Variants in LAMA2 observed in about 807,000 individuals in gnomAD.
The protein encoded by LAMA2 is laminin subunit alpha-2.
LAMA2 carries 269 observed loss-of-function variants against 364.8 expected under a neutral mutation model. That is an observed-to-expected ratio of 0.74 (90% CI 0.67 to 0.82). LAMA2 has a LOEUF of 0.82. Ranked by LOEUF, LAMA2 falls within the 40% of genes least tolerant of loss-of-function variation. The pLI is 0.00. For missense variants in LAMA2, 3,807 were observed against 3,873.2 expected (o/e 0.98, Z 0.45); for synonymous variants, 1,379 against 1,370.6 (o/e 1.01, Z -0.14).
intron 54 of LAMA2, among the ~76,000 whole-genome samples, chr6:129,480,382 T>C (rs1469402889): frequency 6.6e-6 from 1 of 152,106 alleles, no homozygotes; most frequent in Non-Finnish European, 1.5e-5. Flanking sequence ...TACTAGCAAA[T>C]TCATAAAGTA....
At chr6:129,188,150 TATATC>T (rs1781338905) in intron 10 of LAMA2, among the ~76,000 whole-genome samples, 4 of 151,898 alleles carry the variant, frequency 2.6e-5, no homozygotes, top group Non-Finnish European at 1.5e-5. Context: ...TGATTGTGAG[TATATC>T]TTTTTACCCA....
intron 18 of LAMA2, 91 bp downstream of exon 18, chr6:129,280,238 AG>A: frequency 1.2e-6 from 1 of 838,294 alleles, no homozygotes; most frequent in South Asian, 1.4e-5. Context: ...CATCCTTTGG[AG>A]AAAAAAGGCC....
intron 56 of LAMA2, among the ~76,000 whole-genome samples, chr6:129,488,050 C>G (rs1330679137): frequency 6.6e-6 from 1 of 152,166 alleles, no homozygotes; most frequent in Non-Finnish European, 1.5e-5. Flanking sequence ...TGGCTCACAC[C>G]TGTAATCCCA....
chr6:129,347,463 T>G (rs532696541), intron 30 of LAMA2, among the ~76,000 whole-genome samples: 1 of 152,116 alleles, frequency 6.6e-6, no homozygotes, highest in Admixed American at 6.5e-5. Context: ...ATCAAGGACA[T>G]GCCATAGATC....
chr6:129,370,389 A>T lies in LAMA2; in HGVS notation c.4959+399A>T, dbSNP rs541780780. 2.5e-4 allele frequency among the ~76,000 whole-genome samples: 38 copies of T among 152,362 alleles called. No homozygotes were observed. The South Asian group carries it at 7.3e-3, about 29-fold the overall frequency. On this transcript the variant is annotated intron_variant, in intron 34 of 64. Transcript: ENST00000421865. Reference sequence around the variant, plus strand: ...GATTTTTGCATTAGTATAGAAATACAGTGTAAATCAGTCTTTCCACACAAA... The same window carrying T: ...GATTTTTGCATTAGTATAGAAATACTGTGTAAATCAGTCTTTCCACACAAA...
chr6:129,372,627 G>A lies in LAMA2; in HGVS notation c.4959+2637G>A, dbSNP rs374041247. 5.9e-5 allele frequency among the ~76,000 whole-genome samples: 9 copies of A among 152,202 alleles called. No individual in the cohort carries two copies. The East Asian group carries it at 1.3e-3, about 23-fold the overall frequency. ...TAAACATCTTTGTGCAGACTTTTGTGTGGACTTAAGTTTTCAACCTATTTG... is the reference window on the plus strand; with the variant it reads ...TAAACATCTTTGTGCAGACTTTTGTATGGACTTAAGTTTTCAACCTATTTG... On this transcript the variant is annotated intron_variant, in intron 34 of 64. Coordinates refer to ENST00000421865, the MANE Select transcript of LAMA2 (RefSeq NM_000426.4).
chr6:129,507,626 C>T lies in LAMA2; in HGVS notation c.8841C>T (p.Thr2947=), dbSNP rs571590357. The change falls in exon 62 of 65, where the codon ACC becomes ACT. Residue 2947 remains threonine (T), a synonymous_variant. Coordinates refer to ENST00000421865, the MANE Select transcript of LAMA2 (RefSeq NM_000426.4). ...NAQRGTYFDG[T]GFAKAVGGFK... is the part of the protein sequence containing the mutation. The stretch of plus-strand genomic sequence containing the variant: ...AGAGGGGAACATATTTTGACGGAAC[C>T]GGTTTTGCCAAAGCAGGTAAGGCTC... 5.6e-5 allele frequency: 90 copies of T among 1,614,114 alleles called. No individual in the cohort carries two copies. The highest frequency in any genetic ancestry group is 6.9e-5 in the Non-Finnish European group (82 of 1,179,976).
chr6:129,158,380 C>G (rs945909330), intron 8 of LAMA2: 15 of 1,613,888 alleles, frequency 9.3e-6, no homozygotes, highest in Non-Finnish European at 1.1e-5. Flanking sequence ...CCCATCCGTA[C>G]TTCTCCATAT....
chr6:129,024,103 G>A (rs534938641), intron 1 of LAMA2, among the ~76,000 whole-genome samples: 4 of 152,134 alleles, frequency 2.6e-5, no homozygotes, highest in South Asian at 2.1e-4. Flanking sequence ...GGAAAAGTCC[G>A]GTCTCTTCCT....
intron 40 of LAMA2, among the ~76,000 whole-genome samples, chr6:129,407,932 A>C (rs1424080748): frequency 6.6e-6 from 1 of 152,210 alleles, no homozygotes; most frequent in Non-Finnish European, 1.5e-5. Flanking sequence ...TCAATTACCC[A>C]GCCAACACTG....
At chr6:129,335,206 A>G (rs1775880317) in intron 29 of LAMA2, among the ~76,000 whole-genome samples, 1 of 152,162 alleles carries the variant, frequency 6.6e-6, no homozygotes, top group African/African-American at 2.4e-5. Flanking sequence ...TCCTGTACAT[A>G]GGCATGTTAT....
chr6:129,424,009 T>C (rs1781206024), intron 40 of LAMA2, among the ~76,000 whole-genome samples: 1 of 152,108 alleles, frequency 6.6e-6, no homozygotes, highest in Admixed American at 6.6e-5. Context: ...TCAGAGAATG[T>C]GGTGTTGGTA....
intron 45 of LAMA2, among the ~76,000 whole-genome samples, chr6:129,448,232 ATG>A (rs1436395398): frequency 1.3e-5 from 2 of 152,084 alleles, no homozygotes; most frequent in African/African-American, 4.8e-5. Flanking sequence ...GCAGTGAGCC[ATG>A]TTTGCACCAT....
chr6:129,382,787 G>A (rs1335374226), intron 34 of LAMA2, among the ~76,000 whole-genome samples: 1 of 152,156 alleles, frequency 6.6e-6, no homozygotes, highest in African/African-American at 2.4e-5. Flanking sequence ...TGCAACATGT[G>A]GAGGCTGAAG....
intron 47 of LAMA2, among the ~76,000 whole-genome samples, chr6:129,456,064 T>C (rs1305096775): frequency 1.3e-5 from 2 of 152,182 alleles, no homozygotes; most frequent in East Asian, 3.9e-4. Flanking sequence ...GCTGTGTCAT[T>C]TCATGTCAAT....
chr6:128,925,302 A>G (rs1779016233), intron 1 of LAMA2, among the ~76,000 whole-genome samples: 1 of 152,214 alleles, frequency 6.6e-6, no homozygotes, highest in Non-Finnish European at 1.5e-5. Context: ...AATGTTGTGC[A>G]TGTATACGAT....
At position 129,310,251 on chromosome 6, in the gene LAMA2, C is replaced by T. The variant is rs575711431; in HGVS notation, c.3175-2610C>T. 6.6e-5 allele frequency among the ~76,000 whole-genome samples: 10 copies of T among 152,232 alleles called. No individual in the cohort carries two copies. The South Asian group carries it at 2.1e-3, about 32-fold the overall frequency. On this transcript the variant is annotated intron_variant, in intron 22 of 64. Coordinates refer to ENST00000421865, the MANE Select transcript of LAMA2 (RefSeq NM_000426.4). ...GAAGATTTTTAACCAAATATTTGGG[C>T]ATGAAAGACAATAGAGGAGGAACTG...
chr6:129,046,569 T>C (rs1787517610), intron 1 of LAMA2, among the ~76,000 whole-genome samples: 1 of 152,186 alleles, frequency 6.6e-6, no homozygotes, highest in Admixed American at 6.5e-5. Flanking sequence ...ACATGGGGAT[T>C]ACAGGCGCTA....
rs1313865260 is a variant in LAMA2 at position 129,492,408 on chromosome 6, T to A, written c.8169T>A (p.Ala2723=). ...QKLREDEDGA[A]PAEIVIQPEP... Reference sequence around the variant, plus strand: ...TCCGTGAAGATGAAGATGGAGCAGCTCCAGCTGAAATAGTTATCCAGCCTG... The same window carrying A: ...TCCGTGAAGATGAAGATGGAGCAGCACCAGCTGAAATAGTTATCCAGCCTG... Residue 2723 remains alanine (A), a synonymous_variant, in exon 58 of 65, where the codon GCT becomes GCA. Transcript: ENST00000421865. The A allele has an allele frequency of 1.2e-6, 2 of 1,614,184 alleles. No individual in the cohort carries two copies. The highest frequency in any genetic ancestry group is 1.7e-6 in the Non-Finnish European group (2 of 1,179,998).
Sources: allele counts gnomAD v4.1 joint callset (sites outside exome capture counted in the v4.1 genomes callset), GRCh38; gene constraint gnomAD v4.1.1; transcripts MANE v1.5; gene names NCBI Gene and HGNC (gene_info 2026-07-23, HGNC 2026-07-21).